PCNT: variants seen among roughly 807,000 people sequenced by gnomAD.
PCNT encodes kendrin.
PCNT carries 319 observed loss-of-function variants against 380.4 expected under a neutral mutation model. That is an observed-to-expected ratio of 0.84 (90% CI 0.77 to 0.92). PCNT has a LOEUF of 0.92. Among genes scored for constraint, PCNT ranks in the 40% least tolerant of loss-of-function variants. PCNT has a pLI of 0.00. For synonymous variants in PCNT, 1,845 were observed against 1,735.2 expected, an observed-to-expected ratio of 1.06 and a Z score of -1.57; for missense variants, 4,400 against 4,255.3, an observed-to-expected ratio of 1.03 and a Z score of -0.95.
At chr21:46,439,738 T>C (rs1228404872) in intron 41 of PCNT, among the ~76,000 whole-genome samples, 1 of 152,208 alleles carries the variant, frequency 6.6e-6, no homozygotes, top group Admixed American at 6.5e-5. Context: ...GGTTGGCATT[T>C]CTAGGACCGG....
At chr21:46,343,625 T>C (rs2083975521) in intron 3 of PCNT, among the ~76,000 whole-genome samples, 1 of 152,148 alleles carries the variant, frequency 6.6e-6, no homozygotes. Flanking sequence ...AGGGTGATAC[T>C]GACTTCATAG....
rs1023158630 is a variant in PCNT, at chr21:46,340,432, A to G, written c.639+5664A>G. 2.0e-5 allele frequency among the ~76,000 whole-genome samples: 3 copies of G among 152,098 alleles called. No individual in the cohort carries two copies. The East Asian group carries it at 5.8e-4, about 29-fold the overall frequency. On this transcript the variant is annotated intron_variant, in intron 3 of 46. Coordinates refer to ENST00000359568, the MANE Select transcript of PCNT (RefSeq NM_006031.6). ...TAGGCTGGATCGTTTTATCTGTGTT[A>G]TCTCCCATTTTTCTAAACCTCTGTT...
rs2086787457 is a variant in PCNT at position 46,411,611 on chromosome 21, G to A, written c.5538G>A (p.Glu1846=). The part of the protein sequence containing the change: ...AELERNVALR[E]AEVEDMASRI... ...TGGAGCGCAATGTAGCCCTCAGGGA[G>A]GCTGAGGTCGAAGACATGGCCTCCC... Residue 1846 remains glutamate (E), a synonymous_variant, in exon 28 of 47, where the codon GAG becomes GAA. Coordinates refer to ENST00000359568, the MANE Select transcript of PCNT (RefSeq NM_006031.6). 1 of 1,612,976 alleles carries A rather than the reference G, an allele frequency of 6.2e-7. No individual in the cohort carries two copies. The highest frequency in any genetic ancestry group is 8.5e-7 in the Non-Finnish European group (1 of 1,179,862).
chr21:46,365,836 G>T (rs1410793116), intron 14 of PCNT, among the ~76,000 whole-genome samples: 1 of 101,184 alleles, frequency 9.9e-6, no homozygotes, highest in South Asian at 3.5e-4. Context: ...GTGGGGTTCC[G>T]TTCACTGCCA....
intron 32 of PCNT, 129 bp downstream of exon 32, chr21:46,422,253 G>T (rs2087284133): frequency 1.7e-6 from 2 of 1,166,800 alleles, no homozygotes; most frequent in Non-Finnish European, 2.5e-6. Flanking sequence ...CTGAGCACCT[G>T]CATTTTAATG....
At chr21:46,392,673 T>A (rs1320433782) in intron 21 of PCNT, among the ~76,000 whole-genome samples, 2 of 152,218 alleles carry the variant, frequency 1.3e-5, no homozygotes, top group Admixed American at 6.5e-5. Flanking sequence ...TCCCACAAGC[T>A]TATAATTCTT....
Position 46,388,706 on chromosome 21 carries a change from AC to A in PCNT, c.3465-34del, listed in dbSNP as rs769504203. The A allele has an allele frequency of 6.2e-7, 1 of 1,612,256 alleles. No homozygotes were observed. Among genetic ancestry groups the A allele is most frequent in the Non-Finnish European group, 8.5e-7 (1 of 1,179,916 alleles). On this transcript the variant is annotated intron_variant, in intron 17 of 46. Transcript: ENST00000359568. The surrounding 1 kb of genome is among the most constrained non-coding windows in gnomAD (Gnocchi z 4.2). ...CCAGGGTGGGGGTTCTTATGCCGTG[AC>A]CAGCTTGCCTGATGATGGGTGTCTC...
chr21:46,438,246 C>T lies in PCNT; in HGVS notation c.9182C>T (p.Thr3061Met), dbSNP rs778314646. ...DNVSLTKALS[T>M]VTQEKLELSR... ...GTTTCCCTCACAAAAGCGCTCAGCA[C>T]GGTGACCCAGGAGAAGCTGGAGCTG... is the stretch of plus-strand genomic sequence containing the variant. The change falls in exon 41 of 47, where the codon ACG becomes ATG. Residue 3061 changes from threonine to methionine, a missense_variant. Thr to Met is a moderately conservative substitution (Grantham distance 81). Transcript: ENST00000359568. The T allele has an allele frequency of 1.8e-5, 29 of 1,614,156 alleles. No homozygotes were observed. The highest frequency in any genetic ancestry group is 2.2e-5 in the South Asian group (2 of 91,090).
chr21:46,347,054 G>GTGCCTGTTCCCTCTT (rs2084095776), intron 5 of PCNT, 56 bp downstream of exon 5: 13 of 1,560,842 alleles, frequency 8.3e-6, no homozygotes, highest in Non-Finnish European at 1.1e-5. Flanking sequence ...GGGCATTCTA[G>GTGCCTGTTCCCTCTT]TGCCTGTTCC....
intron 2 of PCNT, among the ~76,000 whole-genome samples, chr21:46,329,106 A>C (rs2083477548): frequency 6.6e-6 from 1 of 152,258 alleles, no homozygotes; most frequent in African/African-American, 2.4e-5. Flanking sequence ...TAAGCTGATA[A>C]ATATATGTGG....
chr21:46,375,642 G>A lies in PCNT; in HGVS notation c.3166-6052G>A, dbSNP rs1240462364. Among the ~76,000 whole-genome samples the A allele has an allele frequency of 3.3e-5, 5 of 152,270 alleles. No homozygotes were observed. In the South Asian group the frequency reaches 6.2e-4, roughly 19 times the overall value. On this transcript the variant is annotated intron_variant, in intron 15 of 46. Coordinates refer to ENST00000359568, the MANE Select transcript of PCNT (RefSeq NM_006031.6). ...ATTGAGGGGGTGGCTGAGGACGCACGCTTCTGCTCGACATTGTGGCCGAGC... is the reference window on the plus strand; with the variant it reads ...ATTGAGGGGGTGGCTGAGGACGCACACTTCTGCTCGACATTGTGGCCGAGC...
chr21:46,435,427 T>C (rs1290284104), intron 38 of PCNT, among the ~76,000 whole-genome samples: 1 of 151,736 alleles, frequency 6.6e-6, no homozygotes, highest in East Asian at 1.9e-4. Context: ...GGTTTCCTCA[T>C]GTTGGCCAGA....
At chr21:46,369,058 T>G (rs1418175954) in intron 15 of PCNT, among the ~76,000 whole-genome samples, 1 of 152,216 alleles carries the variant, frequency 6.6e-6, no homozygotes, top group East Asian at 1.9e-4. Flanking sequence ...ATGTTATGTT[T>G]CAGGCTGTCT....
At position 46,381,733 on chromosome 21, in the gene PCNT, A is replaced by C. The variant is rs1246940278; in HGVS notation, c.3205A>C (p.Lys1069Gln). Reference protein sequence around the residue: ...GSEKKTALHEKEETLRLQSAQ... With the variant: ...GSEKKTALHEQEETLRLQSAQ... The stretch of plus-strand genomic sequence containing the variant: ...TGAAAAGAAAACTGCTTTGCATGAA[A>C]AAGAGGAGACACTTCGGCTTCAGAG... Residue 1069 changes from lysine to glutamine, a missense_variant, in exon 16 of 47, where the codon AAA becomes CAA. Coordinates refer to ENST00000359568, the MANE Select transcript of PCNT (RefSeq NM_006031.6). 1 of 1,614,226 alleles carries C rather than the reference A, an allele frequency of 6.2e-7. No homozygotes were observed. The highest frequency in any genetic ancestry group is 2.2e-5 in the East Asian group (1 of 44,894).
Position 46,398,250 on chromosome 21 carries a change from G to A in PCNT, c.4579G>A (p.Gly1527Arg), listed in dbSNP as rs1171234955. 2 of 1,605,672 alleles carry A rather than the reference G, an allele frequency of 1.2e-6. No homozygotes were observed. Among genetic ancestry groups the A allele is most frequent in the Middle Eastern group, 2.3e-4 (1 of 4,436 alleles). Residue 1527 changes from glycine to arginine, a missense_variant, in exon 24 of 47, where the codon GGA becomes AGA. Transcript: ENST00000359568. ...AAATCGGCAGCAGGCGCCGCTGGAT[G>A]GAGAGGTGAGGAGGCGTCAACGAGA... ...PRDSQQAPLDGEVELLQQKLR... is the reference protein window; with the variant it reads ...PRDSQQAPLDREVELLQQKLR...
chr21:46,398,441 A>T (rs780742606), intron 24 of PCNT, among the ~76,000 whole-genome samples, 186 bp downstream of exon 24: 16 of 152,254 alleles, frequency 1.1e-4, no homozygotes, highest in Non-Finnish European at 1.6e-4. Flanking sequence ...TGGTGGATTC[A>T]CACACAGTTG....
intron 24 of PCNT, among the ~76,000 whole-genome samples, chr21:46,399,327 C>T (rs1389062541): frequency 2.6e-5 from 4 of 151,858 alleles, no homozygotes; most frequent in Admixed American, 2.6e-4. Context: ...GGGTCTAGGT[C>T]TCCCTGTGCA....
At chr21:46,391,095 C>G (rs1206822501) in intron 20 of PCNT, 69 bp from the exon 21 acceptor site, 1 of 1,437,950 alleles carries the variant, frequency 7.0e-7, no homozygotes, top group South Asian at 1.2e-5. Flanking sequence ...CCCGTCCCTT[C>G]CTCCAAGCAG....
chr21:46,367,235 G>T, intron 15 of PCNT, 96 bp downstream of exon 15: 1 of 1,045,694 alleles, frequency 9.6e-7, no homozygotes. Flanking sequence ...CGTGCTGTGT[G>T]TGCCTGTGCG....
Sources: gnomAD v4.1 joint callset for allele counts (sites outside exome capture counted in the v4.1 genomes callset) on GRCh38, gnomAD v4.1.1 for gene constraint, Gnocchi (gnomAD v3.1) non-coding constraint, MANE v1.5 for transcripts, NCBI Gene and HGNC (gene_info 2026-07-23, HGNC 2026-07-21) for gene names.